STAG2: variants seen among roughly 807,000 people sequenced by gnomAD.
STAG2 encodes STAG2 cohesin complex component.
Under a neutral mutation model 108.1 loss-of-function variants are expected in STAG2, and 14 were observed. The observed-to-expected ratio is 0.13, with a 90% CI of 0.09 to 0.20. The LOEUF is 0.20. STAG2 is among the 10% of genes least tolerant of loss of function. The pLI is 1.00. For missense variants in STAG2, 440 were observed against 940.9 expected (o/e 0.47, Z 6.96); for synonymous variants, 307 against 302.7 (o/e 1.01, Z -0.15).
intron 29 of STAG2, among the ~76,000 whole-genome samples, chrX:124,085,812 A>AACAG: frequency 9.2e-6 from 1 of 109,281 alleles, no homozygotes; most frequent in Non-Finnish European, 1.9e-5. Context: ...AGGCACACTG[A>AACAG]ACAGCTAACA....
chrX:124,026,687 G>T (rs2057114606), intron 4 of STAG2: 1 of 180,992 alleles, frequency 5.5e-6, no homozygotes, highest in Non-Finnish European at 1.2e-5. Flanking sequence ...ATCACCTGGA[G>T]GTAATTTATT....
chrX:124,019,052 C>CTTTTT (rs751161706), intron 1 of STAG2, among the ~76,000 whole-genome samples: 364 of 79,752 alleles, frequency 4.6e-3, no homozygotes, highest in Middle Eastern at 7.1e-3. Context: ...ATTTAGCACT[C>CTTTTT]TTTTTTTTTT....
intron 1 of STAG2, among the ~76,000 whole-genome samples, chrX:123,985,210 T>C (rs1033315140): frequency 9.0e-6 from 1 of 111,280 alleles, no homozygotes; most frequent in Non-Finnish European, 1.9e-5. Flanking sequence ...TGATCAGTTG[T>C]CCTTACAAGT....
chrX:124,042,039 C>T (rs2057736726), intron 6 of STAG2, among the ~76,000 whole-genome samples: 2 of 111,027 alleles, frequency 1.8e-5, no homozygotes, highest in African/African-American at 6.6e-5. Flanking sequence ...AACTAGATTA[C>T]AGGCGTCTAG....
chrX:123,969,831 G>A (rs752757316), intron 1 of STAG2, among the ~76,000 whole-genome samples: 2 of 109,261 alleles, frequency 1.8e-5, no homozygotes, highest in South Asian at 7.8e-4. Context: ...ATTTTTGGTA[G>A]AGACGGGATT....
intron 27 of STAG2, among the ~76,000 whole-genome samples, chrX:124,080,533 C>A (rs765130509): frequency 9.0e-6 from 1 of 110,608 alleles, no homozygotes; most frequent in South Asian, 3.9e-4. Flanking sequence ...ACTACAAATA[C>A]AAAAATTAGC....
At chrX:124,051,628 T>C (rs2058041427) in intron 13 of STAG2, among the ~76,000 whole-genome samples, 1 of 109,428 alleles carries the variant, frequency 9.1e-6, no homozygotes, top group African/African-American at 3.3e-5. Context: ...TCTCACTCTG[T>C]CCCCCAGGCT....
chrX:123,978,208 G>A (rs1159291105), intron 1 of STAG2, among the ~76,000 whole-genome samples: 1 of 102,091 alleles, frequency 9.8e-6, no homozygotes, highest in Non-Finnish European at 2.0e-5. Context: ...TGCAGGATGT[G>A]CAGGTTTGTT....
In STAG2 at chrX:124,000,080, CAT is replaced by C. The variant is rs758728592; in HGVS notation, c.-162-21286_-162-21285del. Among the ~76,000 whole-genome samples, 150 of 110,525 alleles carry C rather than the reference CAT, an allele frequency of 1.4e-3. 1 individual carries two copies. Among genetic ancestry groups the C allele is most frequent in the African/African-American group, 4.8e-3 (145 of 30,322 alleles). On this transcript the variant is annotated intron_variant, in intron 1 of 34. Transcript: ENST00000371145. The stretch of plus-strand genomic sequence containing the variant: ...ACCCTCCTTTTATATAAACTACAGT[CAT>C]GTGCTGAATAATGACGTTTCAGTCA...
chrX:124,002,836 A>G (rs1394782566), intron 1 of STAG2, among the ~76,000 whole-genome samples: 2 of 67,125 alleles, frequency 3.0e-5, no homozygotes, highest in Admixed American at 3.5e-4. Context: ...TTGTATTTTT[A>G]GTAGAGACGG....
Position 124,025,931 on chromosome X carries a change from T to C in STAG2, c.123+13T>C, listed in dbSNP as rs769070700. Reference sequence around the variant, plus strand: ...AGGCAAAGGCAAAGTATGTATCAAATATTTGACTTTATTTTGTTTCCTAAG... The same window carrying C: ...AGGCAAAGGCAAAGTATGTATCAAACATTTGACTTTATTTTGTTTCCTAAG... On this transcript the variant is annotated intron_variant, in intron 4 of 34. Coordinates refer to ENST00000371145, the MANE Select transcript of STAG2 (RefSeq NM_001042750.2). The C allele has an allele frequency of 4.6e-6, 5 of 1,087,332 alleles. No homozygotes were observed. The Admixed American group carries it at 1.2e-4, about 26-fold the overall frequency. 89.6% of individuals were successfully genotyped at this position (1,087,332 alleles called of 1,213,427 possible). A position where few individuals can be genotyped will look rare whatever the true frequency, so the allele number is the denominator to read the frequency against.
At position 124,064,033 on chromosome X, in the gene STAG2, T is replaced by C. The variant is rs1265073123; in HGVS notation, c.2007T>C (p.Leu669=). Residue 669 remains leucine (L), a synonymous_variant, in exon 20 of 35, where the codon CTT becomes CTC. Coordinates refer to ENST00000371145, the MANE Select transcript of STAG2 (RefSeq NM_001042750.2). Reference sequence around the variant, plus strand: ...TGGCAGATAAATTTAACCGGCTTCTTGAAGATTTTCTGCAAGAGGTATATA... The same window carrying C: ...TGGCAGATAAATTTAACCGGCTTCTCGAAGATTTTCTGCAAGAGGTATATA... ...DELADKFNRL[L]EDFLQEGEEP... 2.2e-5 allele frequency: 27 copies of C among 1,207,309 alleles called. No homozygotes were observed. The highest frequency in any genetic ancestry group is 2.9e-5 in the Non-Finnish European group (26 of 892,066).
chrX:124,023,594 C>T (rs1177211873), intron 3 of STAG2, among the ~76,000 whole-genome samples: 1 of 110,866 alleles, frequency 9.0e-6, no homozygotes, highest in Non-Finnish European at 1.9e-5. Flanking sequence ...TAATTATTAC[C>T]TTTGTTAATA....
chrX:124,025,798 A>C (rs1455702950), intron 3 of STAG2, 42 bp from the exon 4 acceptor site: 23 of 990,160 alleles, frequency 2.3e-5, no homozygotes, highest in Non-Finnish European at 2.9e-5. Flanking sequence ...ACTCAATATA[A>C]ATTTCTAAGG....
chrX:124,016,595 C>G (rs1433723375), intron 1 of STAG2, among the ~76,000 whole-genome samples: 2 of 111,583 alleles, frequency 1.8e-5, no homozygotes, highest in Non-Finnish European at 3.8e-5. Flanking sequence ...TCCTATTTCA[C>G]TAGAATAGGG....
chrX:124,086,552 T>G lies in STAG2; in HGVS notation c.3059T>G (p.Val1020Gly), dbSNP rs1272500849. ...AGTTTCGATTTCTTTTCAAGGTATG[T>G]TTACTTGGAAAAGTTCATGACCTTT... is the stretch of plus-strand genomic sequence containing the variant. Reference protein sequence around the residue: ...LLRQDKRTVYVYLEKFMTFQM... With the variant: ...LLRQDKRTVYGYLEKFMTFQM... Residue 1020 changes from valine to glycine, a missense_variant, in exon 30 of 35, where the codon GTT (valine) becomes GGT (glycine). Physicochemically the swap from Val to Gly is moderately radical, Grantham distance 109 (BLOSUM62 -3). Coordinates refer to ENST00000371145, the MANE Select transcript of STAG2 (RefSeq NM_001042750.2). 3.3e-6 allele frequency: 4 copies of G among 1,201,803 alleles called. No individual in the cohort carries two copies. The highest frequency in any genetic ancestry group is 4.5e-6 in the Non-Finnish European group (4 of 888,455).
At chrX:124,043,785 C>A (rs770760828) in intron 7 of STAG2, among the ~76,000 whole-genome samples, 12 of 111,195 alleles carry the variant, frequency 1.1e-4, no homozygotes, top group Non-Finnish European at 3.8e-5. Context: ...GTTGTCCCCC[C>A]CTTACCTCCC....
intron 1 of STAG2, among the ~76,000 whole-genome samples, chrX:123,972,305 G>T (rs2147547169): frequency 9.6e-6 from 1 of 104,233 alleles, no homozygotes; most frequent in South Asian, 4.4e-4. Flanking sequence ...TTTTGAGGTG[G>T]AGTCGCCCAG....
intron 4 of STAG2, among the ~76,000 whole-genome samples, chrX:124,026,128 A>AAAT (rs57097416): frequency 0.47 from 41,945 of 88,697 alleles, 9,318 homozygotes; most frequent in Middle Eastern, 0.6. Context: ...GTAAAGTTGC[A>AAAT]AATAATAATA....
Sources: gnomAD v4.1 joint callset for allele counts (sites outside exome capture counted in the v4.1 genomes callset) on GRCh38, gnomAD v4.1.1 for gene constraint, MANE v1.5 for transcripts, NCBI Gene and HGNC (gene_info 2026-07-23, HGNC 2026-07-21) for gene names.